The following CCDC170 variants were observed in gnomAD, a reference collection of about 807,000 sequenced individuals.
CCDC170 encodes the protein coiled-coil domain-containing protein 170.
Under a neutral mutation model 72.6 loss-of-function variants are expected in CCDC170, and 69 were observed. That is an observed-to-expected ratio of 0.95 (90% CI 0.78 to 1.16). The LOEUF is 1.16. Among genes scored for constraint, CCDC170 ranks in the 50% most tolerant of loss-of-function variants. The probability of loss-of-function intolerance (pLI) is 0.00; values close to 1 mark genes in which losing one functional copy is unlikely to be tolerated. For missense variants in CCDC170, 852 were observed against 832.5 expected (o/e 1.02, Z -0.29); for synonymous variants, 300 against 303.9 (o/e 0.99, Z 0.13).
At chr6:151,600,289 A>G (rs1177457514) in intron 9 of CCDC170, among the ~76,000 whole-genome samples, 3 of 152,212 alleles carry the variant, frequency 2.0e-5, no homozygotes, top group South Asian at 4.1e-4. Context: ...TTCACTATTC[A>G]TAAAGCAATA....
At chr6:151,554,196 G>A (rs1392855136) in intron 5 of CCDC170, among the ~76,000 whole-genome samples, 1 of 152,092 alleles carries the variant, frequency 6.6e-6, no homozygotes, top group Admixed American at 6.5e-5. Context: ...AACCTACTGA[G>A]GAATAACCTA....
rs1776448028 is a variant in CCDC170, at chr6:151,586,103, G to T, written c.1293+14G>T. 1 of 1,612,602 alleles carries T rather than the reference G, an allele frequency of 6.2e-7. No homozygotes were observed. The highest frequency in any genetic ancestry group is 1.3e-5 in the African/African-American group (1 of 74,850). On this transcript the variant is annotated intron_variant, in intron 7 of 10. Coordinates refer to ENST00000239374, the MANE Select transcript of CCDC170 (RefSeq NM_025059.4). ...GAGAAACAAAAAGTAATGACCCGAGGGCATGTCCATGAGTGGAAGCATCTG... is the reference window on the plus strand; with the variant it reads ...GAGAAACAAAAAGTAATGACCCGAGTGCATGTCCATGAGTGGAAGCATCTG...
At chr6:151,613,601 T>A (rs970228736) in intron 9 of CCDC170, among the ~76,000 whole-genome samples, 13 of 152,230 alleles carry the variant, frequency 8.5e-5, no homozygotes. Flanking sequence ...TATGTGTTTT[T>A]TTGCAATTGG....
chr6:151,579,095 C>T (rs1776345909), intron 6 of CCDC170, among the ~76,000 whole-genome samples: 1 of 152,036 alleles, frequency 6.6e-6, no homozygotes, highest in African/African-American at 2.4e-5. Context: ...ATTCTTCACC[C>T]CTCACCCTCC....
chr6:151,607,402 G>A (rs1259930173), intron 9 of CCDC170, among the ~76,000 whole-genome samples: 2 of 151,918 alleles, frequency 1.3e-5, no homozygotes, highest in African/African-American at 2.4e-5. Flanking sequence ...TTGCAGTTTG[G>A]TGATTTTTGT....
chr6:151,569,531 T>A (rs1776189311), intron 5 of CCDC170, among the ~76,000 whole-genome samples: 1 of 152,226 alleles, frequency 6.6e-6, no homozygotes, highest in African/African-American at 2.4e-5. Flanking sequence ...TCTGTGGAGG[T>A]CAGTCTTGGT....
At chr6:151,614,486 G>T (rs542360872) in intron 9 of CCDC170, among the ~76,000 whole-genome samples, 2 of 151,718 alleles carry the variant, frequency 1.3e-5, no homozygotes, top group African/African-American at 4.8e-5. Flanking sequence ...ACTGAGTCTC[G>T]CTCTGTTGCC....
chr6:151,567,170 C>T (rs764449152), intron 5 of CCDC170, among the ~76,000 whole-genome samples: 3 of 152,186 alleles, frequency 2.0e-5, no homozygotes, highest in Middle Eastern at 3.4e-3. Flanking sequence ...CAGCCTGCCT[C>T]GGCCTCTCAA....
chr6:151,572,653 T>TTTTTTTTTTTTTTTTTTTG (rs1776237615), intron 5 of CCDC170, among the ~76,000 whole-genome samples: 1 of 100,500 alleles, frequency 1.0e-5, no homozygotes, highest in African/African-American at 4.3e-5. Flanking sequence ...CTCTGTGTTT[T>TTTTTTTTTTTTTTTTTTTG]TTTTTTTTTT....
At chr6:151,508,352 A>T (rs4870023) in intron 1 of CCDC170, among the ~76,000 whole-genome samples, 23,706 of 152,050 alleles carry the variant, frequency 0.16, 2,468 homozygotes, top group East Asian at 0.38. Context: ...AGCCTGGCCA[A>T]CATGGTGAAA....
At chr6:151,544,816 T>C (rs975796475) in intron 4 of CCDC170, 100 bp downstream of exon 4, 2 of 1,176,470 alleles carry the variant, frequency 1.7e-6, no homozygotes, top group East Asian at 2.4e-5. Flanking sequence ...GGCAGGAGAA[T>C]GGCACAGTAG....
intron 1 of CCDC170, among the ~76,000 whole-genome samples, chr6:151,521,047 G>T (rs1246072323): frequency 6.6e-6 from 1 of 152,168 alleles, no homozygotes; most frequent in African/African-American, 2.4e-5. Context: ...TACAAAAATG[G>T]CTTGGGAAGA....
At chr6:151,562,873 G>A (rs1776065315) in intron 5 of CCDC170, among the ~76,000 whole-genome samples, 1 of 152,144 alleles carries the variant, frequency 6.6e-6, no homozygotes, top group African/African-American at 2.4e-5. Context: ...TAGGGGAGGG[G>A]CTGGGGAGTG....
chr6:151,589,712 G>A (rs1309960325), intron 7 of CCDC170, among the ~76,000 whole-genome samples: 1 of 152,142 alleles, frequency 6.6e-6, no homozygotes, highest in East Asian at 1.9e-4. Flanking sequence ...AGGTCTTAAT[G>A]AAAGGTATGC....
chr6:151,527,830 A>G (rs1782434642), intron 1 of CCDC170, among the ~76,000 whole-genome samples: 1 of 152,184 alleles, frequency 6.6e-6, no homozygotes, highest in Non-Finnish European at 1.5e-5. Context: ...GTTATGGGAT[A>G]GAATGATAAG....
intron 6 of CCDC170, 60 bp downstream of exon 6, chr6:151,573,551 T>C: frequency 1.4e-6 from 2 of 1,473,166 alleles, no homozygotes; most frequent in Non-Finnish European, 1.9e-6. Context: ...TCATTTAGCA[T>C]GCTCAGTGAC....
rs1009611318 is a variant in CCDC170 at position 151,505,597 on chromosome 6, T to C, written c.57+11412T>C. Reference sequence around the variant, plus strand: ...TACCCGGGAGGTTGAGGCAGGAGAATGGCGTGAACCCGGGAGGCGGAGCTT... The same window carrying C: ...TACCCGGGAGGTTGAGGCAGGAGAACGGCGTGAACCCGGGAGGCGGAGCTT... On this transcript the variant is annotated intron_variant, in intron 1 of 10. Transcript: ENST00000239374. Among the ~76,000 whole-genome samples the C allele has an allele frequency of 2.5e-4, 38 of 151,696 alleles. 1 individual carries two copies. The highest frequency in any genetic ancestry group is 2.1e-3 in the South Asian group (10 of 4,798).
intron 5 of CCDC170, among the ~76,000 whole-genome samples, chr6:151,550,143 A>G (rs963162059): frequency 3.9e-5 from 6 of 152,354 alleles, no homozygotes; most frequent in Middle Eastern, 3.4e-3. Flanking sequence ...CCTTAACTAT[A>G]ATTTTGTGAT....
chr6:151,496,782 T>G (rs1273374945), intron 1 of CCDC170, among the ~76,000 whole-genome samples: 1 of 152,218 alleles, frequency 6.6e-6, no homozygotes, highest in African/African-American at 2.4e-5. Flanking sequence ...CTGTGACATC[T>G]TGGTCAAAAC....
Sources: allele counts gnomAD v4.1 joint callset (sites outside exome capture counted in the v4.1 genomes callset), GRCh38; gene constraint gnomAD v4.1.1; transcripts MANE v1.5; gene names NCBI Gene and HGNC (gene_info 2026-07-23, HGNC 2026-07-21).